Variants in USP45 observed in about 807,000 individuals in gnomAD.
USP45 encodes ubiquitin specific peptidase 45.
USP45 carries 89 observed loss-of-function variants against 95.8 expected under a neutral mutation model. That is an observed-to-expected ratio of 0.93 (90% CI 0.78 to 1.11). USP45 has a LOEUF of 1.11. Ranked by LOEUF, USP45 falls within the 50% of genes least tolerant of loss-of-function variation. The pLI is 0.00. For synonymous variants in USP45, 281 were observed against 316.2 expected, an observed-to-expected ratio of 0.89 and a Z score of 1.18; for missense variants, 898 against 942.5, an observed-to-expected ratio of 0.95 and a Z score of 0.62.
intron 5 of USP45, among the ~76,000 whole-genome samples, chr6:99,493,829 T>G (rs923919773): frequency 6.6e-6 from 1 of 152,176 alleles, no homozygotes; most frequent in Non-Finnish European, 1.5e-5. Context: ...AGCTTATAGC[T>G]TCTACTGAAG....
chr6:99,459,350 T>C (rs1300246627), intron 13 of USP45, among the ~76,000 whole-genome samples: 1 of 152,190 alleles, frequency 6.6e-6, no homozygotes, highest in Non-Finnish European at 1.5e-5. Flanking sequence ...TATTCCATGG[T>C]GTATATGTAC....
intron 5 of USP45, among the ~76,000 whole-genome samples, chr6:99,492,462 C>T (rs531956842): frequency 1.3e-5 from 2 of 152,116 alleles, no homozygotes; most frequent in East Asian, 3.9e-4. Context: ...AAATTAACTA[C>T]GCTATCAAAC....
chr6:99,483,913 T>C (rs922016470), intron 7 of USP45, among the ~76,000 whole-genome samples: 2 of 150,708 alleles, frequency 1.3e-5, no homozygotes, highest in African/African-American at 2.4e-5. Flanking sequence ...TATTCCTATA[T>C]TCATGAAATA....
intron 9 of USP45, among the ~76,000 whole-genome samples, chr6:99,473,946 T>C (rs7745012): frequency 0.79 from 119,621 of 151,892 alleles, 47,409 homozygotes; most frequent in East Asian, 0.99. Flanking sequence ...TGATCAAATA[T>C]GTAAAAGTAG....
intron 14 of USP45, 80 bp from the exon 15 acceptor site, chr6:99,443,742 T>C (rs2128545166): frequency 1.1e-6 from 1 of 884,532 alleles, no homozygotes. Context: ...TATACAGAAG[T>C]ATCATACCAC....
chr6:99,490,484 C>T (rs948226735), intron 5 of USP45, among the ~76,000 whole-genome samples: 3 of 151,442 alleles, frequency 2.0e-5, no homozygotes, highest in Admixed American at 6.6e-5. Context: ...CCAGCCAGCC[C>T]TTAGATTTTA....
At chr6:99,491,244 G>A (rs1166156928) in intron 5 of USP45, among the ~76,000 whole-genome samples, 2 of 152,168 alleles carry the variant, frequency 1.3e-5, no homozygotes, top group Non-Finnish European at 2.9e-5. Context: ...AAAGAAAAGG[G>A]GGAAGAGGCC....
chr6:99,464,770 A>C (rs936946485), intron 12 of USP45, 23 bp from the exon 13 acceptor site: 5 of 1,564,600 alleles, frequency 3.2e-6, no homozygotes, highest in Non-Finnish European at 4.3e-6. Flanking sequence ...CACATACAGA[A>C]ACCAAAACCT....
intron 7 of USP45, among the ~76,000 whole-genome samples, chr6:99,485,331 C>G (rs1255519973): frequency 1.3e-5 from 2 of 151,876 alleles, no homozygotes; most frequent in Admixed American, 1.3e-4. Flanking sequence ...GGTGACAGAG[C>G]AAGACTCCAT....
At chr6:99,487,308 G>A (rs931514668) in intron 7 of USP45, among the ~76,000 whole-genome samples, 2 of 152,186 alleles carry the variant, frequency 1.3e-5, no homozygotes, top group South Asian at 4.1e-4. Context: ...AAATCATGAA[G>A]TGGACTTGCT....
In USP45 at chr6:99,434,862, AT is replaced by A. The variant is rs1455962797; in HGVS notation, c.*853del. 5.3e-5 allele frequency: 8 copies of A among 152,208 alleles called. No homozygotes were observed. The highest frequency in any genetic ancestry group is 5.2e-4 in the Admixed American group (8 of 15,284). The allele number at this position is 152,208 out of a possible 1,614,324, so 9.4% of individuals were successfully genotyped here. ...AATTCTAAATGTTATAATCATCTAT[AT>A]TGGGCCTTGGCCAACCACCTGCAAG... On this transcript the variant is annotated 3_prime_UTR_variant, in exon 18 of 18. Coordinates refer to ENST00000500704, the MANE Select transcript of USP45 (RefSeq NM_001346022.3).
chr6:99,468,595 T>C lies in USP45; in HGVS notation c.957A>G (p.Lys319=). 1.2e-6 allele frequency: 2 copies of C among 1,607,858 alleles called. No homozygotes were observed. The highest frequency in any genetic ancestry group is 1.7e-6 in the Non-Finnish European group (2 of 1,176,062). ...TTTTAGTAGTTGGGTTGTTAAATGC[T>C]TTTAGAATGCTAGCTTGTATTCGCT... ...ETKRIQASIL[K]AFNNPTTKTA... is the part of the protein sequence containing the mutation. The change falls in exon 10 of 18, where the codon AAA becomes AAG. Residue 319 remains lysine (K), a synonymous_variant. Transcript: ENST00000500704.
Position 99,450,363 on chromosome 6 carries a change from T to G in USP45, c.1309-3900A>C, listed in dbSNP as rs138948564. ...GTGATAAAGGGGATATCACCACTGA[T>G]CCCACAGAAATACAAACTACCATCA... On this transcript the variant is annotated intron_variant, in intron 13 of 17. Transcript: ENST00000500704. Among the ~76,000 whole-genome samples the G allele has an allele frequency of 1.1e-3, 173 of 152,118 alleles. 1 individual carries two copies. In the East Asian group the frequency reaches 0.023, roughly 20 times the overall value.
intron 14 of USP45, among the ~76,000 whole-genome samples, chr6:99,444,983 T>C (rs1016382673): frequency 6.6e-6 from 1 of 152,220 alleles, no homozygotes; most frequent in African/African-American, 2.4e-5. Flanking sequence ...TTCCATTTAC[T>C]CAAGGATAAA....
At chr6:99,471,425 TTC>T (rs142964250) in intron 9 of USP45, among the ~76,000 whole-genome samples, 1,943 of 152,326 alleles carry the variant, frequency 0.013, 33 homozygotes, top group African/African-American at 0.042. Context: ...AGCTGAGATA[TTC>T]TGTCTTTAAA....
At chr6:99,451,760 G>C (rs1220929363) in intron 13 of USP45, among the ~76,000 whole-genome samples, 1 of 152,056 alleles carries the variant, frequency 6.6e-6, no homozygotes, top group Non-Finnish European at 1.5e-5. Context: ...GGAGGCATCA[G>C]GCTACCTGAC....
At chr6:99,493,030 A>AT (rs202229509) in intron 5 of USP45, among the ~76,000 whole-genome samples, 135 of 147,040 alleles carry the variant, frequency 9.2e-4, no homozygotes, top group Middle Eastern at 7.2e-3. Flanking sequence ...TTAGGCCTTA[A>AT]TTTTTTTTTT....
intron 15 of USP45, 109 bp downstream of exon 15, chr6:99,443,456 T>G (rs1298971245): frequency 4.7e-6 from 3 of 635,966 alleles, no homozygotes; most frequent in Non-Finnish European, 7.7e-6. Context: ...TGACACATTT[T>G]AAAATGCAAT....
chr6:99,451,873 C>T (rs188969877), intron 13 of USP45, among the ~76,000 whole-genome samples: 428 of 152,258 alleles, frequency 2.8e-3, no homozygotes, highest in South Asian at 8.3e-3. Context: ...AGAAATAATA[C>T]CACACATCTA....
Sources: allele counts gnomAD v4.1 joint callset (sites outside exome capture counted in the v4.1 genomes callset), GRCh38; gene constraint gnomAD v4.1.1; transcripts MANE v1.5; gene names NCBI Gene and HGNC (gene_info 2026-07-23, HGNC 2026-07-21).